MCHR2: variants seen among roughly 807,000 people sequenced by gnomAD.
MCHR2 encodes the protein melanin-concentrating hormone receptor 2.
Under a neutral mutation model 24.8 loss-of-function variants are expected in MCHR2, and 15 were observed. The observed-to-expected ratio is 0.60, with a 90% CI of 0.40 to 0.93. The LOEUF is 0.93. Ranked by LOEUF, MCHR2 falls within the 40% of genes least tolerant of loss-of-function variation. The pLI, the probability that MCHR2 is intolerant of heterozygous loss-of-function variation, is 0.00. For synonymous variants in MCHR2, 151 were observed against 147.6 expected, an observed-to-expected ratio of 1.02 and a Z score of -0.17; for missense variants, 386 against 408.7, an observed-to-expected ratio of 0.94 and a Z score of 0.48.
intron 4 of MCHR2, among the ~76,000 whole-genome samples, chr6:99,940,108 A>G (rs924111281): frequency 2.0e-5 from 3 of 151,686 alleles, no homozygotes; most frequent in African/African-American, 7.3e-5. Context: ...TGATCTTCCC[A>G]TATCTGGATA....
At chr6:99,942,620 G>A (rs974943149) in intron 4 of MCHR2, among the ~76,000 whole-genome samples, 4 of 152,140 alleles carry the variant, frequency 2.6e-5, no homozygotes, top group African/African-American at 7.2e-5. Context: ...CTGATGAGGT[G>A]GAGTCTGAGT....
chr6:99,943,063 C>G lies in MCHR2; in HGVS notation c.473G>C (p.Trp158Ser). The part of the protein sequence containing the change: ...YKTIRINLGL[W>S]AASFILALPV... ...CAATGCCAGGATAAAGGAAGCTGCC[C>G]AAAGGCCCAAATTGATCCGGATGGT... Residue 158 changes from tryptophan to serine, a missense_variant, in exon 4 of 6, where the codon TGG becomes TCG. Transcript: ENST00000281806. 6.2e-7 allele frequency: 1 copy of G among 1,613,230 alleles called. No individual in the cohort carries two copies. Among genetic ancestry groups the G allele is most frequent in the Non-Finnish European group, 8.5e-7 (1 of 1,179,456 alleles).
intron 2 of MCHR2, 86 bp from the exon 3 acceptor site, chr6:99,948,057 A>G (rs988351717): frequency 2.5e-5 from 29 of 1,149,554 alleles, no homozygotes; most frequent in Non-Finnish European, 3.5e-5. Context: ...TTTTTAATTG[A>G]CATAATGCAT....
intron 1 of MCHR2, among the ~76,000 whole-genome samples, chr6:99,981,404 T>G (rs1216509145): frequency 6.6e-6 from 1 of 152,154 alleles, no homozygotes; most frequent in Non-Finnish European, 1.5e-5. Flanking sequence ...CAGTGGCTTG[T>G]GACTGGAGCT....
chr6:99,943,319 TA>T (rs1490830648), intron 3 of MCHR2, among the ~76,000 whole-genome samples, 176 bp from the exon 4 acceptor site: 1 of 150,412 alleles, frequency 6.6e-6, no homozygotes, highest in Non-Finnish European at 1.5e-5. Context: ...TTTATTTTTT[TA>T]AATTTTTATT....
intron 5 of MCHR2, among the ~76,000 whole-genome samples, chr6:99,925,917 C>T (rs1173277906): frequency 6.6e-6 from 1 of 151,214 alleles, no homozygotes; most frequent in Non-Finnish European, 1.5e-5. Flanking sequence ...ATGTGCCATG[C>T]TGGTGTGCTG....
chr6:99,967,912 CACTT>C (rs1178200200), intron 1 of MCHR2, among the ~76,000 whole-genome samples: 3 of 152,160 alleles, frequency 2.0e-5, no homozygotes, highest in Admixed American at 2.0e-4. Flanking sequence ...GTCATTCACT[CACTT>C]AACACACATT....
At chr6:99,928,428 G>A (rs551771242) in intron 5 of MCHR2, among the ~76,000 whole-genome samples, 3 of 151,992 alleles carry the variant, frequency 2.0e-5, no homozygotes, top group South Asian at 2.1e-4. Flanking sequence ...GTTCCTCCTT[G>A]TACCTCTGGT....
chr6:99,983,568 C>A (rs951926034), intron 1 of MCHR2, among the ~76,000 whole-genome samples: 1 of 152,134 alleles, frequency 6.6e-6, no homozygotes, highest in African/African-American at 2.4e-5. Context: ...TCTAAGAAAA[C>A]CATTGTTTTC....
At chr6:99,925,272 C>A (rs1032410336) in intron 5 of MCHR2, among the ~76,000 whole-genome samples, 5 of 150,876 alleles carry the variant, frequency 3.3e-5, no homozygotes, top group African/African-American at 1.2e-4. Context: ...CCTTTTTTTT[C>A]AGTCTATGTG....
chr6:99,944,426 T>C (rs1334500488), intron 3 of MCHR2, among the ~76,000 whole-genome samples: 1 of 152,148 alleles, frequency 6.6e-6, no homozygotes, highest in African/African-American at 2.4e-5. Context: ...TCACTTAATT[T>C]TCTCCAAGTT....
At chr6:99,982,674 T>C (rs1775693922) in intron 1 of MCHR2, among the ~76,000 whole-genome samples, 1 of 151,964 alleles carries the variant, frequency 6.6e-6, no homozygotes, top group African/African-American at 2.4e-5. Flanking sequence ...ATTGGGGTGC[T>C]ATTATGGGTG....
intron 5 of MCHR2, among the ~76,000 whole-genome samples, chr6:99,922,851 T>C (rs1293526875): frequency 2.0e-5 from 3 of 152,196 alleles, no homozygotes; most frequent in Non-Finnish European, 4.4e-5. Context: ...TTCTTTTTGC[T>C]CAGGATATAT....
intron 5 of MCHR2, among the ~76,000 whole-genome samples, chr6:99,931,617 C>A (rs1274853982): frequency 1.3e-5 from 2 of 152,162 alleles, no homozygotes; most frequent in Admixed American, 6.5e-5. Context: ...TAGCGAGACT[C>A]TGTGGGCGTA....
In MCHR2 at chr6:99,920,864, C is replaced by T. The variant is rs189017413; in HGVS notation, c.*76G>A. 43 of 1,411,784 alleles carry T rather than the reference C, an allele frequency of 3.0e-5. No homozygotes were observed. Among genetic ancestry groups the T allele is most frequent in the Admixed American group, 2.9e-4 (16 of 54,532 alleles). The allele number at this position is 1,411,784 out of a possible 1,614,324, so 87.5% of individuals were successfully genotyped here. A position where few individuals can be genotyped will look rare whatever the true frequency, so the allele number is the denominator to read the frequency against. Reference sequence around the variant, plus strand: ...ACAAGAAGAATGGGCATAAACATATCGGTACACCTGCCCTTTCTGATAATA... The same window carrying T: ...ACAAGAAGAATGGGCATAAACATATTGGTACACCTGCCCTTTCTGATAATA... On this transcript the variant is annotated 3_prime_UTR_variant, in exon 6 of 6. Transcript: ENST00000281806.
Position 99,956,109 on chromosome 6 carries a change from G to A in MCHR2, c.39C>T (p.Ala13=), listed in dbSNP as rs374330201. The change falls in exon 2 of 6, where the codon GCC becomes GCT. Residue 13 remains alanine, a synonymous_variant. Coordinates refer to ENST00000281806, the MANE Select transcript of MCHR2 (RefSeq NM_001040179.2). ...PFHASCWNTS[A]ELLNKSWNKE... ...TATTCCAGGATTTGTTTAAAAGTTC[G>A]GCAGAGGTGTTCCAACAAGATGCAT... The A allele has an allele frequency of 1.1e-5, 18 of 1,612,982 alleles. No homozygotes were observed. The highest frequency in any genetic ancestry group is 1.6e-4 in the Middle Eastern group (1 of 6,076).
At chr6:99,953,122 CTG>C (rs1774996346) in intron 2 of MCHR2, among the ~76,000 whole-genome samples, 1 of 152,052 alleles carries the variant, frequency 6.6e-6, no homozygotes, top group Admixed American at 6.6e-5. Context: ...AACTTTGTCT[CTG>C]TATAAATAGA....
intron 1 of MCHR2, among the ~76,000 whole-genome samples, chr6:99,993,114 C>T (rs548419108): frequency 2.6e-5 from 4 of 152,098 alleles, no homozygotes; most frequent in African/African-American, 4.8e-5. Flanking sequence ...TTAGTGGTAG[C>T]TTCAGGGCCA....
intron 1 of MCHR2, among the ~76,000 whole-genome samples, chr6:99,987,707 G>C (rs1775795289): frequency 6.6e-6 from 1 of 152,018 alleles, no homozygotes; most frequent in Non-Finnish European, 1.5e-5. Flanking sequence ...CACAGAAAAA[G>C]TAAGCAAAAT....
Sources: gnomAD v4.1 joint callset for allele counts (sites outside exome capture counted in the v4.1 genomes callset) on GRCh38, gnomAD v4.1.1 for gene constraint, MANE v1.5 for transcripts, NCBI Gene and HGNC (gene_info 2026-07-23, HGNC 2026-07-21) for gene names.